AMPD3: variants seen among roughly 807,000 people sequenced by gnomAD.
AMPD3 encodes the protein AMP deaminase 3.
A neutral mutation model predicts 82.3 loss-of-function variants in AMPD3; 57 were observed. The observed-to-expected ratio is 0.69, with a 90% CI of 0.56 to 0.86. AMPD3 has a LOEUF of 0.86. Ranked by LOEUF, AMPD3 falls within the 40% of genes least tolerant of loss-of-function variation. The probability of loss-of-function intolerance (pLI) is 0.00; values close to 1 mark genes in which losing one functional copy is unlikely to be tolerated. For synonymous variants in AMPD3, 381 were observed against 394.7 expected, an observed-to-expected ratio of 0.97 and a Z score of 0.41; for missense variants, 870 against 1,003.8, an observed-to-expected ratio of 0.87 and a Z score of 1.80.
chr11:10,499,507 T>C (rs1849517251), intron 10 of AMPD3, among the ~76,000 whole-genome samples: 1 of 152,168 alleles, frequency 6.6e-6, no homozygotes, highest in African/African-American at 2.4e-5. Flanking sequence ...TGAGCCATCA[T>C]GTCTGGCCAA....
chr11:10,501,080 G>C lies in AMPD3; in HGVS notation c.1722-390G>C, dbSNP rs957561209. The stretch of plus-strand genomic sequence containing the variant: ...GACCTGTTCAGTGGCATGGAACATA[G>C]ACTTCACTCTCCGGGCCTTGGTTTG... On this transcript the variant is annotated intron_variant, in intron 11 of 14. Coordinates refer to ENST00000396553, the MANE Select transcript of AMPD3 (RefSeq NM_001025389.2). 3 of 985,282 alleles carry C rather than the reference G, an allele frequency of 3.0e-6. No homozygotes were observed. The African/African-American group carries it at 5.2e-5, about 17-fold the overall frequency. 61.0% of individuals were successfully genotyped at this position (985,282 alleles called of 1,614,324 possible).
chr11:10,503,021 G>A (rs147703062), intron 13 of AMPD3, 127 bp downstream of exon 13: 6 of 1,124,234 alleles, frequency 5.3e-6, no homozygotes, highest in Middle Eastern at 5.4e-4. Context: ...CCCAGTGAAG[G>A]CAGGAAGGAA....
chr11:10,501,066 T>A (rs1849565622), intron 11 of AMPD3: 1 of 985,376 alleles, frequency 1.0e-6, no homozygotes. Flanking sequence ...ACCTGTTCAG[T>A]GGCATGGAAC....
rs1849665055 is a variant in AMPD3, at chr11:10,504,584, A to G, written c.2052A>G (p.Gln684=). The part of the protein sequence containing the change: ...ALMEEYAIAA[Q]VWKLSTCDLC... ...TGGAAGAATATGCCATTGCAGCTCA[A>G]GTGTGGAAGCTGAGCACCTGCGACC... The change falls in exon 14 of 15, where the codon CAA becomes CAG. Residue 684 remains glutamine, a synonymous_variant. Transcript: ENST00000396553. The G allele has an allele frequency of 1.2e-6, 2 of 1,614,072 alleles. No homozygotes were observed. Among genetic ancestry groups the G allele is most frequent in the Non-Finnish European group, 1.7e-6 (2 of 1,180,024 alleles).
chr11:10,487,977 A>G (rs996452742), intron 6 of AMPD3, among the ~76,000 whole-genome samples: 1 of 152,196 alleles, frequency 6.6e-6, no homozygotes, highest in African/African-American at 2.4e-5. Flanking sequence ...AAAGCAAAAT[A>G]AATAAGTGAA....
At chr11:10,491,181 G>A (rs1849230926) in intron 6 of AMPD3, among the ~76,000 whole-genome samples, 1 of 152,194 alleles carries the variant, frequency 6.6e-6, no homozygotes, top group Non-Finnish European at 1.5e-5. Flanking sequence ...TGGTCTAATG[G>A]CTGTCAGCAG....
chr11:10,502,608 G>A, intron 12 of AMPD3, 113 bp from the exon 13 acceptor site: 7 of 1,591,344 alleles, frequency 4.4e-6, no homozygotes, highest in Non-Finnish European at 6.0e-6. Flanking sequence ...GGGCAGACAT[G>A]GTTCAGACCC....
intron 1 of AMPD3, among the ~76,000 whole-genome samples, chr11:10,460,526 C>A (rs1848238328): frequency 1.3e-5 from 2 of 151,698 alleles, no homozygotes; most frequent in African/African-American, 2.4e-5. Context: ...CTTGCCTCAG[C>A]CTCCTGAGCA....
Position 10,501,580 on chromosome 11 carries a change from T to A in AMPD3, c.1832T>A (p.Leu611His). Reference sequence around the variant, plus strand: ...GCTGACAACATTTCCCACGGGCTGCTCCTCAAGAAGGTAACCAGGTCACTC... The same window carrying A: ...GCTGACAACATTTCCCACGGGCTGCACCTCAAGAAGGTAACCAGGTCACTC... ...LTADNISHGL[L>H]LKKSPVLQYL... The change falls in exon 12 of 15, where the codon CTC becomes CAC. Residue 611 changes from leucine (L) to histidine (H), a missense_variant. Leu to His is a moderately conservative substitution (Grantham distance 99, BLOSUM62 -3). Coordinates refer to ENST00000396553, the MANE Select transcript of AMPD3 (RefSeq NM_001025389.2). 6.2e-7 allele frequency: 1 copy of A among 1,614,108 alleles called. No individual in the cohort carries two copies. Among genetic ancestry groups the A allele is most frequent in the South Asian group, 1.1e-5 (1 of 91,074 alleles).
In AMPD3 at chr11:10,456,121, G is replaced by T; in HGVS notation, c.-6+673G>T. 3 of 1,329,474 alleles carry T rather than the reference G, an allele frequency of 2.3e-6. No individual in the cohort carries two copies. Among genetic ancestry groups the T allele is most frequent in the Non-Finnish European group, 2.9e-6 (3 of 1,038,024 alleles). 82.4% of individuals were successfully genotyped at this position (1,329,474 alleles called of 1,614,324 possible). A position where few individuals can be genotyped will look rare whatever the true frequency, so the allele number is the denominator to read the frequency against. On this transcript the variant is annotated intron_variant, in intron 1 of 14. Transcript: ENST00000396553. The surrounding 1 kb of genome is among the most constrained non-coding windows in gnomAD (Gnocchi z 4.3). ...GCATTCAGGATACCACAGCCATTTT[G>T]TTTTGGATAACTGGGATTACCTGGG...
At chr11:10,457,731 C>T (rs987172394) in intron 1 of AMPD3, among the ~76,000 whole-genome samples, 2 of 152,106 alleles carry the variant, frequency 1.3e-5, no homozygotes, top group Non-Finnish European at 2.9e-5. Context: ...CCCATCTCTA[C>T]TAAAAATACA....
At chr11:10,494,852 T>A (rs747290886) in intron 7 of AMPD3, 47 bp from the exon 8 acceptor site, 6 of 1,594,432 alleles carry the variant, frequency 3.8e-6, no homozygotes, top group South Asian at 1.1e-5. Context: ...GGAACGTGCA[T>A]GGTGGCTGCA....
intron 10 of AMPD3, among the ~76,000 whole-genome samples, chr11:10,498,831 T>C (rs1849495234): frequency 6.6e-6 from 1 of 152,196 alleles, no homozygotes; most frequent in South Asian, 2.1e-4. Flanking sequence ...TGCAAAGCAC[T>C]GCCGTGGCCT....
chr11:10,503,492 G>A (rs1849633290), intron 13 of AMPD3, among the ~76,000 whole-genome samples: 2 of 152,116 alleles, frequency 1.3e-5, no homozygotes, highest in South Asian at 4.1e-4. Flanking sequence ...TTAGGACAGA[G>A]GTTCTCCAAC....
At chr11:10,500,562 G>C (rs1456406351) in intron 11 of AMPD3, 10 of 973,152 alleles carry the variant, frequency 1.0e-5, no homozygotes, top group Non-Finnish European at 2.4e-6. Context: ...CACACACCAG[G>C]GCACACTCCA....
At chr11:10,453,068 G>A (rs534090944), upstream of AMPD3, among the ~76,000 whole-genome samples, 6 of 152,312 alleles carry the variant, frequency 3.9e-5, no homozygotes, top group African/African-American at 1.4e-4. Flanking sequence ...TCCTGCCTCA[G>A]CTTCCCAAGT....
chr11:10,453,594 T>C (rs1052965886), upstream of AMPD3, among the ~76,000 whole-genome samples: 4 of 151,912 alleles, frequency 2.6e-5, no homozygotes, highest in African/African-American at 4.8e-5. Flanking sequence ...TTTTCTTTTT[T>C]TTTTTCTTGA....
intron 9 of AMPD3, chr11:10,496,346 C>T: frequency 1.0e-6 from 1 of 985,446 alleles, no homozygotes; most frequent in South Asian, 4.7e-5. Context: ...ATGGGGAGAG[C>T]TGTAGTGGTC....
At chr11:10,485,432 C>T (rs111409664) in intron 5 of AMPD3, among the ~76,000 whole-genome samples, 1,635 of 152,136 alleles carry the variant, frequency 0.011, 36 homozygotes, top group African/African-American at 0.036. Flanking sequence ...TTAGTAGAGA[C>T]AGGGGTTTTG....
Sources: allele counts gnomAD v4.1 joint callset (sites outside exome capture counted in the v4.1 genomes callset), GRCh38; gene constraint gnomAD v4.1.1; non-coding constraint Gnocchi (gnomAD v3.1); transcripts MANE v1.5; gene names NCBI Gene and HGNC (gene_info 2026-07-23, HGNC 2026-07-21).